AGBL4: variants seen among roughly 807,000 people sequenced by gnomAD.
AGBL4 encodes AGBL carboxypeptidase 4, also known as cytosolic carboxypeptidase 6.
In AGBL4, 58 loss-of-function variants were observed where a neutral mutation model predicts 66.4. That is an observed-to-expected ratio of 0.87 (90% CI 0.71 to 1.09). The LOEUF (loss-of-function observed/expected upper bound fraction) is 1.09, where lower values mean the gene tolerates loss of function less well. Ranked by LOEUF, AGBL4 falls within the 50% of genes least tolerant of loss-of-function variation. AGBL4 has a pLI of 0.00. For synonymous variants in AGBL4, 234 were observed against 222.9 expected (o/e 1.05, Z -0.44); for missense variants, 579 against 631.0 (o/e 0.92, Z 0.88).
intron 3 of AGBL4, among the ~76,000 whole-genome samples, chr1:49,448,379 G>A (rs1646205605): frequency 6.6e-6 from 1 of 152,114 alleles, no homozygotes; most frequent in African/African-American, 2.4e-5. Context: ...AGAAACAACT[G>A]TCAGCAGGGT....
chr1:49,633,197 A>G (rs2124367094), intron 3 of AGBL4, among the ~76,000 whole-genome samples: 1 of 152,322 alleles, frequency 6.6e-6, no homozygotes, highest in South Asian at 2.1e-4. Flanking sequence ...ATAAACCTAG[A>G]TCAGTGACTC....
At position 48,534,948 on chromosome 1, in the gene AGBL4, G is replaced by C. The variant is rs146552931; in HGVS notation, c.1365-32C>G. 1.9e-6 allele frequency: 3 copies of C among 1,545,722 alleles called. No homozygotes were observed. The African/African-American group carries it at 4.1e-5, about 21-fold the overall frequency. ...TAGGAGAAAAATTCATGTCCTTCCT[G>C]CCTCTTAGGCTCTAGTAAATGGAAG... On this transcript the variant is annotated intron_variant, in intron 12 of 13. Coordinates refer to ENST00000371839, the MANE Select transcript of AGBL4 (RefSeq NM_032785.4).
intron 1 of AGBL4, among the ~76,000 whole-genome samples, chr1:49,990,188 T>A (rs186462598): frequency 1.4e-4 from 22 of 152,346 alleles, no homozygotes; most frequent in Admixed American, 7.2e-4. Flanking sequence ...CAACATTAAT[T>A]GTAATACCAA....
chr1:48,622,216 G>A (rs570292147), intron 9 of AGBL4, among the ~76,000 whole-genome samples: 2 of 152,226 alleles, frequency 1.3e-5, no homozygotes, highest in South Asian at 4.1e-4. Flanking sequence ...TTCCCCTGCT[G>A]TAATGCTTCC....
At chr1:49,280,005 T>A (rs1239378377) in intron 3 of AGBL4, among the ~76,000 whole-genome samples, 1 of 152,190 alleles carries the variant, frequency 6.6e-6, no homozygotes, top group Non-Finnish European at 1.5e-5. Flanking sequence ...ACTTCCCCAA[T>A]TACTCCTGCA....
At chr1:48,989,831 A>T (rs1403742342) in intron 5 of AGBL4, among the ~76,000 whole-genome samples, 2 of 152,220 alleles carry the variant, frequency 1.3e-5, no homozygotes, top group African/African-American at 4.8e-5. Context: ...GTGGTGCAAT[A>T]AACATGGGAT....
chr1:49,550,579 C>T (rs753624554), intron 3 of AGBL4, among the ~76,000 whole-genome samples: 1 of 152,140 alleles, frequency 6.6e-6, no homozygotes, highest in South Asian at 2.1e-4. Context: ...TTGCTGGATA[C>T]AAAATTCTTG....
chr1:49,333,565 T>C (rs1211831734), intron 3 of AGBL4, among the ~76,000 whole-genome samples: 2 of 152,192 alleles, frequency 1.3e-5, no homozygotes, highest in Non-Finnish European at 2.9e-5. Flanking sequence ...TTCAAGTTAT[T>C]GATATTGTTC....
intron 1 of AGBL4, among the ~76,000 whole-genome samples, chr1:49,919,085 C>A (rs1417164801): frequency 6.6e-6 from 1 of 152,178 alleles, no homozygotes; most frequent in African/African-American, 2.4e-5. Context: ...GGACATATCT[C>A]AAAATAATAA....
At chr1:48,584,816 A>G (rs1449349576) in intron 11 of AGBL4, 2 of 152,218 alleles carry the variant, frequency 1.3e-5, no homozygotes. Context: ...TCCCCCATGT[A>G]AAGACATTCT....
intron 8 of AGBL4, among the ~76,000 whole-genome samples, chr1:48,638,253 G>A (rs1335240814): frequency 6.6e-6 from 1 of 152,224 alleles, no homozygotes; most frequent in Non-Finnish European, 1.5e-5. Flanking sequence ...CCACGGAGTT[G>A]CACAGAACAA....
intron 4 of AGBL4, among the ~76,000 whole-genome samples, chr1:49,177,248 T>A (rs189370310): frequency 1.8e-4 from 28 of 152,284 alleles, no homozygotes; most frequent in Admixed American, 1.8e-3. Flanking sequence ...TATGGAATAA[T>A]GGGGTTCCTA....
chr1:49,684,622 T>G (rs1646754899), intron 3 of AGBL4, among the ~76,000 whole-genome samples: 1 of 152,216 alleles, frequency 6.6e-6, no homozygotes, highest in South Asian at 2.1e-4. Flanking sequence ...TACCCCATTC[T>G]AAGGCCAACT....
intron 9 of AGBL4, among the ~76,000 whole-genome samples, chr1:48,601,437 G>A (rs1471949251): frequency 6.6e-6 from 1 of 152,172 alleles, no homozygotes; most frequent in Non-Finnish European, 1.5e-5. Context: ...GGACCTCCTG[G>A]AGCTCAAAAC....
At chr1:49,462,046 C>T (rs1646524813) in intron 3 of AGBL4, among the ~76,000 whole-genome samples, 1 of 151,742 alleles carries the variant, frequency 6.6e-6, no homozygotes, top group Non-Finnish European at 1.5e-5. Context: ...AATCACCACA[C>T]CATCTTCCAC....
At chr1:49,569,945 CTG>C (rs1316595457) in intron 3 of AGBL4, among the ~76,000 whole-genome samples, 1 of 152,116 alleles carries the variant, frequency 6.6e-6, no homozygotes, top group Non-Finnish European at 1.5e-5. Context: ...TAGTATTCCA[CTG>C]TGTATATATA....
intron 5 of AGBL4, among the ~76,000 whole-genome samples, chr1:48,958,263 G>T (rs1238559872): frequency 6.6e-6 from 1 of 152,060 alleles, no homozygotes; most frequent in Non-Finnish European, 1.5e-5. Context: ...AAGGATTTTT[G>T]CTCATGCTGC....
intron 11 of AGBL4, among the ~76,000 whole-genome samples, chr1:48,582,270 T>TA (rs1644751454): frequency 4.6e-5 from 7 of 152,212 alleles, no homozygotes; most frequent in Non-Finnish European, 8.8e-5. Context: ...GCATTATTGA[T>TA]AACATGGAAT....
chr1:49,027,222 G>A (rs141554409), intron 5 of AGBL4, among the ~76,000 whole-genome samples: 190 of 152,146 alleles, frequency 1.2e-3, no homozygotes, highest in African/African-American at 4.4e-3. Flanking sequence ...GTGCAATGGC[G>A]TGATCTCGGC....
Sources: gnomAD v4.1 joint callset for allele counts (sites outside exome capture counted in the v4.1 genomes callset) on GRCh38, gnomAD v4.1.1 for gene constraint, MANE v1.5 for transcripts, NCBI Gene and HGNC (gene_info 2026-07-23, HGNC 2026-07-21) for gene names.